The following GRIK3 variants were observed in gnomAD, a reference collection of about 807,000 sequenced individuals.
GRIK3 encodes glutamate ionotropic receptor kainate type subunit 3.
A neutral mutation model predicts 102.5 loss-of-function variants in GRIK3; 29 were observed. The ratio of observed to expected loss-of-function variants is 0.28; its 90% CI spans 0.21 to 0.39. The LOEUF (loss-of-function observed/expected upper bound fraction) is 0.39, where lower values mean the gene tolerates loss of function less well. Among genes scored for constraint, GRIK3 ranks in the 10% least tolerant of loss-of-function variants. The pLI is 1.00. For synonymous variants in GRIK3, 511 were observed against 504.9 expected (o/e 1.01, Z -0.16); for missense variants, 908 against 1,252.4 (o/e 0.73, Z 4.15).
intron 1 of GRIK3, among the ~76,000 whole-genome samples, chr1:37,018,250 G>A (rs1435243185): frequency 2.0e-5 from 3 of 152,206 alleles, no homozygotes; most frequent in Non-Finnish European, 4.4e-5. Flanking sequence ...GCCTGGTTCG[G>A]TAACACCAGA....
intron 1 of GRIK3, among the ~76,000 whole-genome samples, chr1:36,968,925 C>T (rs1392424344): frequency 1.3e-5 from 2 of 152,226 alleles, no homozygotes; most frequent in Non-Finnish European, 2.9e-5. Flanking sequence ...CCAAGGCAGG[C>T]AGCCTTTCCA....
chr1:36,845,053 C>T (rs145309094), intron 9 of GRIK3, among the ~76,000 whole-genome samples: 1,732 of 152,272 alleles, frequency 0.011, 30 homozygotes, highest in African/African-American at 0.04. Context: ...CCATTAATTT[C>T]GGGAAGTGCT....
chr1:36,878,548 G>T (rs988784774), intron 3 of GRIK3, among the ~76,000 whole-genome samples: 6 of 152,374 alleles, frequency 3.9e-5, no homozygotes, highest in African/African-American at 1.4e-4. Flanking sequence ...GGATGCAGCA[G>T]CTCTTGACAT....
Position 36,850,051 on chromosome 1 carries a change from G to T in GRIK3, c.1326+260C>A, listed in dbSNP as rs1570759118. On this transcript the variant is annotated intron_variant, in intron 9 of 15. Coordinates refer to ENST00000373091, the MANE Select transcript of GRIK3 (RefSeq NM_000831.4). This position sits in a 1 kb window ranked among gnomAD's most constrained non-coding sequence, Gnocchi z 4.0. Reference sequence around the variant, plus strand: ...CAAACCCCCTTAATTCCACCATCCAGCATGGTTCCTACTCAGACATCAAGG... The same window carrying T: ...CAAACCCCCTTAATTCCACCATCCATCATGGTTCCTACTCAGACATCAAGG... 6.7e-6 allele frequency: 3 copies of T among 450,960 alleles called. No individual in the cohort carries two copies. The East Asian group carries it at 1.2e-4, about 18-fold the overall frequency. The allele number at this position is 450,960 out of a possible 1,614,324, so 27.9% of individuals were successfully genotyped here. A position where few individuals can be genotyped will look rare whatever the true frequency, so the allele number is the denominator to read the frequency against.
chr1:37,022,060 T>A (rs749377609), intron 1 of GRIK3, among the ~76,000 whole-genome samples: 1 of 152,224 alleles, frequency 6.6e-6, no homozygotes, highest in African/African-American at 2.4e-5. Flanking sequence ...GTGTGGAGGA[T>A]GCATATATTC....
chr1:36,838,945 T>C (rs574086094), intron 10 of GRIK3, among the ~76,000 whole-genome samples: 22 of 152,314 alleles, frequency 1.4e-4, no homozygotes, highest in Non-Finnish European at 2.2e-4. Flanking sequence ...TGATGAATAC[T>C]GGGCTTCCCA....
rs960144707 is a variant in GRIK3 at position 36,797,994 on chromosome 1, TAG to T, written c.*3855_*3856del. 3 of 152,244 alleles carry T rather than the reference TAG, an allele frequency of 2.0e-5. No homozygotes were observed. Among genetic ancestry groups the T allele is most frequent in the Admixed American group, 6.5e-5 (1 of 15,280 alleles). 9.4% of individuals were successfully genotyped at this position (152,244 alleles called of 1,614,324 possible). ...AGCCAGAGTGTGCTTCCAGGTTAGA[TAG>T]AGTCTCGGCTGTGAGGAGGGGGTGG... On this transcript the variant is annotated 3_prime_UTR_variant, in exon 16 of 16. Coordinates refer to ENST00000373091, the MANE Select transcript of GRIK3 (RefSeq NM_000831.4).
chr1:36,799,508 C>G lies in GRIK3; in HGVS notation c.*2343G>C, dbSNP rs1642415932. On this transcript the variant is annotated 3_prime_UTR_variant, in exon 16 of 16. Coordinates refer to ENST00000373091, the MANE Select transcript of GRIK3 (RefSeq NM_000831.4). ...CTGTACACATGTGTTCACATGCACTCAGACATGGACCCCTTGGTGACATGG... is the reference window on the plus strand; with the variant it reads ...CTGTACACATGTGTTCACATGCACTGAGACATGGACCCCTTGGTGACATGG... The G allele has an allele frequency of 6.6e-6, 1 of 152,256 alleles. No homozygotes were observed. The highest frequency in any genetic ancestry group is 2.4e-5 in the African/African-American group (1 of 41,454). The allele number at this position is 152,256 out of a possible 1,614,324, so 9.4% of individuals were successfully genotyped here.
chr1:37,011,916 A>C (rs1366628234), intron 1 of GRIK3, among the ~76,000 whole-genome samples: 1 of 152,174 alleles, frequency 6.6e-6, no homozygotes, highest in Non-Finnish European at 1.5e-5. Context: ...CTGGAAAGCA[A>C]ACCTTTTTGG....
chr1:36,854,698 T>C (rs1370378062), intron 7 of GRIK3, among the ~76,000 whole-genome samples: 1 of 152,206 alleles, frequency 6.6e-6, no homozygotes, highest in East Asian at 1.9e-4. Flanking sequence ...AACTATTTTC[T>C]ATGAGCCCCT....
chr1:36,840,720 C>T (rs1640437632), intron 10 of GRIK3, among the ~76,000 whole-genome samples: 1 of 152,142 alleles, frequency 6.6e-6, no homozygotes, highest in African/African-American at 2.4e-5. Flanking sequence ...CTGTCTCTAA[C>T]AACAGCAACA....
chr1:36,885,905 C>T (rs1641031978), intron 2 of GRIK3, among the ~76,000 whole-genome samples: 1 of 152,194 alleles, frequency 6.6e-6, no homozygotes, highest in African/African-American at 2.4e-5. Flanking sequence ...AGCCTGAATG[C>T]TGTCCCCCCA....
intron 13 of GRIK3, among the ~76,000 whole-genome samples, chr1:36,812,015 C>T (rs963912341): frequency 5.9e-5 from 9 of 152,152 alleles, no homozygotes; most frequent in African/African-American, 2.2e-4. Context: ...ACACTGAATT[C>T]TGCCTGGGCA....
chr1:36,908,863 T>G (rs1248189297), intron 1 of GRIK3, among the ~76,000 whole-genome samples: 3 of 151,212 alleles, frequency 2.0e-5, no homozygotes, highest in Non-Finnish European at 4.4e-5. Context: ...TGGAACAGGG[T>G]GCAGCTGGAA....
In GRIK3 at chr1:36,859,219, A is replaced by G. The variant is rs145731373; in HGVS notation, c.993T>C (p.His331=). 3.1e-6 allele frequency: 5 copies of G among 1,613,494 alleles called. No individual in the cohort carries two copies. The African/African-American group carries it at 6.7e-5, about 22-fold the overall frequency. ...TDAALLYDAV[H]IVSVCYQRAP... ...CCCGCTGGTAGCACACGGACACGAT[A>G]TGGACGGCGTCGTACAGTAAGGCTG... Residue 331 remains histidine, a synonymous_variant, in exon 7 of 16, where the codon CAT becomes CAC. Transcript: ENST00000373091.
intron 10 of GRIK3, among the ~76,000 whole-genome samples, chr1:36,828,634 CTGT>C (rs1403344012): frequency 6.6e-6 from 1 of 152,158 alleles, no homozygotes; most frequent in Non-Finnish European, 1.5e-5. Flanking sequence ...GAATGTATTC[CTGT>C]TGTTAAGTGA....
At chr1:36,887,869 A>G (rs1361824232) in intron 2 of GRIK3, among the ~76,000 whole-genome samples, 1 of 151,510 alleles carries the variant, frequency 6.6e-6, no homozygotes, top group Non-Finnish European at 1.5e-5. Flanking sequence ...TACAGAAACC[A>G]CCAGAATGGC....
At chr1:36,975,529 C>T (rs908219872) in intron 1 of GRIK3, among the ~76,000 whole-genome samples, 3 of 152,140 alleles carry the variant, frequency 2.0e-5, no homozygotes, top group Non-Finnish European at 2.9e-5. Context: ...CTCCGGACCT[C>T]GTGATCTCCC....
At chr1:36,847,134 A>G (rs1276436137) in intron 9 of GRIK3, among the ~76,000 whole-genome samples, 3 of 152,242 alleles carry the variant, frequency 2.0e-5, no homozygotes, top group Non-Finnish European at 2.9e-5. Context: ...TAAGATGGTC[A>G]GTGGCCCCAT....
Sources: gnomAD v4.1 joint callset for allele counts (sites outside exome capture counted in the v4.1 genomes callset) on GRCh38, gnomAD v4.1.1 for gene constraint, Gnocchi (gnomAD v3.1) non-coding constraint, MANE v1.5 for transcripts, NCBI Gene and HGNC (gene_info 2026-07-23, HGNC 2026-07-21) for gene names.